Variants in RABEPK observed in about 807,000 individuals in gnomAD.
The protein encoded by RABEPK is 40 kDa Rab9 effector protein.
RABEPK carries 27 observed loss-of-function variants against 34.1 expected under a neutral mutation model. The observed-to-expected ratio is 0.79, with a 90% CI of 0.58 to 1.09. RABEPK has a LOEUF of 1.09. Among genes scored for constraint, RABEPK ranks in the 50% least tolerant of loss-of-function variants. RABEPK has a pLI of 0.00. For missense variants in RABEPK, 449 were observed against 462.6 expected (o/e 0.97, Z 0.27); for synonymous variants, 172 against 169.2 (o/e 1.02, Z -0.13).
intron 4 of RABEPK, among the ~76,000 whole-genome samples, chr9:125,214,329 G>A (rs534661068): frequency 6.6e-6 from 1 of 152,230 alleles, no homozygotes; most frequent in South Asian, 2.1e-4. Flanking sequence ...CTAGGGGGTA[G>A]AGGCCAGATA....
intron 5 of RABEPK, among the ~76,000 whole-genome samples, chr9:125,226,310 CTG>C: frequency 6.6e-6 from 1 of 151,200 alleles, no homozygotes; most frequent in East Asian, 1.9e-4. Flanking sequence ...GAGCAAAACT[CTG>C]TCCCCCGACC....
Position 125,233,878 on chromosome 9 carries a change from A to G in RABEPK, c.1017A>G (p.Ser339=). 6.2e-7 allele frequency: 1 copy of G among 1,614,048 alleles called. No individual in the cohort carries two copies. The highest frequency in any genetic ancestry group is 8.5e-7 in the Non-Finnish European group (1 of 1,179,914). ...ADKVMSHSGD[S]HEESQTATLL... is the part of the protein sequence containing the mutation. ...AAGTAATGAGCCACAGTGGTGACTC[A>G]CATGAGGAAAGCCAGACTGCTACAC... is the stretch of plus-strand genomic sequence containing the variant. The change falls in exon 8 of 8, where the codon TCA becomes TCG. Residue 339 remains serine (S), a synonymous_variant. Transcript: ENST00000373538.
chr9:125,233,949 A>C lies in RABEPK; in HGVS notation c.1088A>C (p.Tyr363Ser). The C allele has an allele frequency of 6.2e-7, 1 of 1,613,100 alleles. No individual in the cohort carries two copies. The highest frequency in any genetic ancestry group is 8.5e-7 in the Non-Finnish European group (1 of 1,179,034). ...GGGATGAATACAGAAGGGGAAATCT[A>C]TGACGATTGTATTGTGACTGTAGTG... ...FGGMNTEGEI[Y>S]DDCIVTVVD Residue 363 changes from tyrosine to serine, a missense_variant, in exon 8 of 8, where the codon TAT becomes TCT. By Grantham distance (144) the Tyr-to-Ser change is moderately radical. Transcript: ENST00000373538.
intron 2 of RABEPK, among the ~76,000 whole-genome samples, chr9:125,205,646 C>T (rs1193800665): frequency 1.3e-5 from 2 of 152,172 alleles, no homozygotes; most frequent in African/African-American, 4.8e-5. Flanking sequence ...CATGCCACCA[C>T]ACCCAGGTAA....
intron 5 of RABEPK, 69 bp from the exon 6 acceptor site, chr9:125,227,841 C>A: frequency 1.4e-6 from 2 of 1,445,146 alleles, no homozygotes; most frequent in Non-Finnish European, 9.3e-7. Flanking sequence ...GCTACAGAGG[C>A]TTGGGCCTGT....
intron 5 of RABEPK, among the ~76,000 whole-genome samples, chr9:125,224,481 C>G (rs540563267): frequency 7.4e-6 from 1 of 135,378 alleles, no homozygotes; most frequent in Non-Finnish European, 1.5e-5. Context: ...GAGATGAAGT[C>G]ACGCTCTGTT....
At chr9:125,200,967 C>A (rs369387170) in intron 1 of RABEPK, 61 bp downstream of exon 1, 6 of 405,756 alleles carry the variant, frequency 1.5e-5, no homozygotes, top group African/African-American at 2.0e-5. Flanking sequence ...GCCACTCCCC[C>A]ACTTCTACTC....
chr9:125,230,605 GGCTCACT>G (rs1249984055), intron 6 of RABEPK, among the ~76,000 whole-genome samples: 1 of 145,690 alleles, frequency 6.9e-6, no homozygotes, highest in Non-Finnish European at 1.5e-5. Flanking sequence ...GTGCAATCTT[GGCTCACT>G]GCAAGCTCTG....
chr9:125,212,761 C>A (rs1256849557), intron 3 of RABEPK, among the ~76,000 whole-genome samples: 2 of 151,692 alleles, frequency 1.3e-5, no homozygotes, highest in Non-Finnish European at 2.9e-5. Flanking sequence ...TAAAATAACC[C>A]TGGGTTCAAG....
chr9:125,227,721 G>T (rs755902968), intron 5 of RABEPK, among the ~76,000 whole-genome samples, 189 bp from the exon 6 acceptor site: 7 of 151,862 alleles, frequency 4.6e-5, no homozygotes, highest in Non-Finnish European at 8.8e-5. Context: ...GTGAGCCACC[G>T]CAGCAGCCTA....
chr9:125,212,312 C>T (rs1019773768), intron 3 of RABEPK, among the ~76,000 whole-genome samples: 4 of 152,180 alleles, frequency 2.6e-5, no homozygotes, highest in Non-Finnish European at 2.9e-5. Context: ...CTCCACCTCC[C>T]GGGTTAATGC....
intron 6 of RABEPK, among the ~76,000 whole-genome samples, chr9:125,232,042 GGCATGCA>G (rs1832221226): frequency 1.3e-5 from 2 of 151,618 alleles, no homozygotes; most frequent in African/African-American, 4.8e-5. Flanking sequence ...TGGGATTACA[GGCATGCA>G]CCACCATGCC....
At position 125,201,018 on chromosome 9, in the gene RABEPK, AG is replaced by A. The variant is rs1237816305; in HGVS notation, c.-7+114del. 7 of 365,002 alleles carry A rather than the reference AG, an allele frequency of 1.9e-5. No individual in the cohort carries two copies. The Admixed American group carries it at 2.5e-4, about 13-fold the overall frequency. 22.6% of individuals were successfully genotyped at this position (365,002 alleles called of 1,614,324 possible). On this transcript the variant is annotated intron_variant, in intron 1 of 7. Coordinates refer to ENST00000373538, the MANE Select transcript of RABEPK (RefSeq NM_005833.4). ...GGTAGGTTCTCGGAATGGATCTGAC[AG>A]GCCCAGCCCTCTAGGAACTTAGTCT...
rs34504635 is a variant in RABEPK, at chr9:125,224,454, C to CT, written c.527-3440dup. 1.3e-3 allele frequency among the ~76,000 whole-genome samples: 157 copies of CT among 124,674 alleles called. 3 individuals carry two copies. The highest frequency in any genetic ancestry group is 4.2e-3 in the Middle Eastern group (1 of 240). The allele number at this position is 124,674 out of a possible 152,430, so 81.8% of individuals were successfully genotyped here. A position where few individuals can be genotyped will look rare whatever the true frequency, so the allele number is the denominator to read the frequency against. On this transcript the variant is annotated intron_variant, in intron 5 of 7. Coordinates refer to ENST00000373538, the MANE Select transcript of RABEPK (RefSeq NM_005833.4). ...CTCAGCTCTTAAAAGTAGGTATTGT[C>CT]TTTTTTTTTTTTTTTTGAGATGAAG... is the stretch of plus-strand genomic sequence containing the variant.
At chr9:125,210,723 GAAAAT>G (rs374382831) in intron 3 of RABEPK, among the ~76,000 whole-genome samples, 14 of 141,906 alleles carry the variant, frequency 9.9e-5, no homozygotes, top group African/African-American at 3.1e-4. Flanking sequence ...AAAAAAAAAA[GAAAAT>G]AAAAGAAACG....
At chr9:125,214,126 A>C (rs1202138904) in intron 4 of RABEPK, among the ~76,000 whole-genome samples, 1 of 152,072 alleles carries the variant, frequency 6.6e-6, no homozygotes, top group Non-Finnish European at 1.5e-5. Flanking sequence ...TGTCTCAAAA[A>C]AAAAAGAAAA....
At chr9:125,224,548 G>T (rs1219568759) in intron 5 of RABEPK, among the ~76,000 whole-genome samples, 2 of 151,354 alleles carry the variant, frequency 1.3e-5, no homozygotes, top group African/African-American at 4.9e-5. Context: ...CACCTCCCGG[G>T]TTCAAGCAAT....
chr9:125,218,000 A>G (rs1191011510), intron 4 of RABEPK, among the ~76,000 whole-genome samples: 1 of 151,864 alleles, frequency 6.6e-6, no homozygotes, highest in Non-Finnish European at 1.5e-5. Flanking sequence ...ATGGTAGAGC[A>G]AGTGTGGGAC....
At position 125,200,574 on chromosome 9, in the gene RABEPK, G is replaced by T. The variant is rs1002325857; in HGVS notation, c.-339G>T. On this transcript the variant is annotated 5_prime_UTR_variant, in exon 1 of 8. Coordinates refer to ENST00000373538, the MANE Select transcript of RABEPK (RefSeq NM_005833.4). ...CGGCTCGCGACTGGCCTAAGTCGCC[G>T]CAGGTATTGCAGTCCGGGGCTGGAG... The T allele has an allele frequency of 2.4e-6, 1 of 408,668 alleles. No individual in the cohort carries two copies. The highest frequency in any genetic ancestry group is 1.8e-5 in the South Asian group (1 of 55,720). The allele number at this position is 408,668 out of a possible 1,614,324, so 25.3% of individuals were successfully genotyped here. A position where few individuals can be genotyped will look rare whatever the true frequency, so the allele number is the denominator to read the frequency against.
Sources: gnomAD v4.1 joint callset for allele counts (sites outside exome capture counted in the v4.1 genomes callset) on GRCh38, gnomAD v4.1.1 for gene constraint, MANE v1.5 for transcripts, NCBI Gene and HGNC (gene_info 2026-07-23, HGNC 2026-07-21) for gene names.